ST6GALNAC5: variants seen among roughly 807,000 people sequenced by gnomAD.
The protein encoded by ST6GALNAC5 is alpha-N-acetylgalactosaminide alpha-2,6-sialyltransferase 5.
ST6GALNAC5 carries 27 observed loss-of-function variants against 33.6 expected under a neutral mutation model. The ratio of observed to expected loss-of-function variants is 0.80; its 90% CI spans 0.59 to 1.11. The LOEUF (loss-of-function observed/expected upper bound fraction) is 1.11, where lower values mean the gene tolerates loss of function less well. Ranked by LOEUF, ST6GALNAC5 falls within the 50% of genes least tolerant of loss-of-function variation. The probability of loss-of-function intolerance (pLI) is 0.00; values close to 1 mark genes in which losing one functional copy is unlikely to be tolerated. For missense variants in ST6GALNAC5, 428 were observed against 454.0 expected, an observed-to-expected ratio of 0.94 and a Z score of 0.52; for synonymous variants, 194 against 171.2, an observed-to-expected ratio of 1.13 and a Z score of -1.04.
rs1014886835 is a variant in ST6GALNAC5 at position 76,979,698 on chromosome 1, G to A, written c.262-64506G>A. ...TTCCAGCATTTTGGGAGGCCAAGGC[G>A]GGCAGATCACCTGAGATCAAGAATT... is the stretch of plus-strand genomic sequence containing the variant. On this transcript the variant is annotated intron_variant, in intron 2 of 4. Coordinates refer to ENST00000477717, the MANE Select transcript of ST6GALNAC5 (RefSeq NM_030965.3). 1.1e-4 allele frequency among the ~76,000 whole-genome samples: 17 copies of A among 152,160 alleles called. 1 individual carries two copies. Among genetic ancestry groups the A allele is most frequent in the South Asian group, 4.1e-4 (2 of 4,822 alleles).
intron 2 of ST6GALNAC5, among the ~76,000 whole-genome samples, chr1:76,931,673 T>G (rs2100310685): frequency 6.6e-6 from 1 of 152,260 alleles, no homozygotes; most frequent in African/African-American, 2.4e-5. Flanking sequence ...GTTGATCTGA[T>G]ATAACTATGT....
intron 2 of ST6GALNAC5, among the ~76,000 whole-genome samples, chr1:76,962,185 T>C (rs865878752): frequency 2.2e-4 from 34 of 152,232 alleles, no homozygotes; most frequent in African/African-American, 8.2e-4. Flanking sequence ...ATAACTAAGA[T>C]GAAAGTTGAG....
intron 2 of ST6GALNAC5, among the ~76,000 whole-genome samples, chr1:76,954,243 C>T (rs998809004): frequency 6.6e-6 from 1 of 152,080 alleles, no homozygotes; most frequent in African/African-American, 2.4e-5. Flanking sequence ...ATGGATGGAG[C>T]TGGAAGCCAT....
intron 2 of ST6GALNAC5, among the ~76,000 whole-genome samples, chr1:76,961,900 A>C (rs1439929527): frequency 6.6e-6 from 1 of 152,156 alleles, no homozygotes; most frequent in Non-Finnish European, 1.5e-5. Flanking sequence ...ATGAATGCAG[A>C]AAAAGAGTTT....
chr1:76,958,905 T>C (rs763900446), intron 2 of ST6GALNAC5, among the ~76,000 whole-genome samples: 1 of 152,184 alleles, frequency 6.6e-6, no homozygotes, highest in Non-Finnish European at 1.5e-5. Flanking sequence ...CACCAGGTCA[T>C]TGACCTTTCT....
In ST6GALNAC5 at chr1:76,868,216, C is replaced by T. The variant is rs1304819140; in HGVS notation, c.16-281C>T. On this transcript the variant is annotated intron_variant, in intron 1 of 4. Transcript: ENST00000477717. The surrounding 1 kb of genome is among the most constrained non-coding windows in gnomAD (Gnocchi z 4.3). ...GTGCAAACCCACCCCTGTCCTCGGC[C>T]CCGGCGCGCTCCCTCCCTCAGCCCG... 2.0e-5 allele frequency among the ~76,000 whole-genome samples: 3 copies of T among 152,152 alleles called. No individual in the cohort carries two copies. Among genetic ancestry groups the T allele is most frequent in the Non-Finnish European group, 2.9e-5 (2 of 68,026 alleles).
At chr1:77,033,969 G>T (rs2100451222) in intron 2 of ST6GALNAC5, among the ~76,000 whole-genome samples, 1 of 152,300 alleles carries the variant, frequency 6.6e-6, no homozygotes, top group East Asian at 1.9e-4. Context: ...GGTGAAAGCT[G>T]CAAGACAAAG....
chr1:76,976,364 G>A (rs1232433864), intron 2 of ST6GALNAC5, among the ~76,000 whole-genome samples: 2 of 152,064 alleles, frequency 1.3e-5, no homozygotes, highest in Non-Finnish European at 2.9e-5. Flanking sequence ...CACTATTCAG[G>A]AGTGAAGATG....
Position 76,914,193 on chromosome 1 carries a change from T to C in ST6GALNAC5, c.261+45451T>C, listed in dbSNP as rs1646943984. The stretch of plus-strand genomic sequence containing the variant: ...CACTGCTCAATGAAATCAAAGAGGA[T>C]ACAAACAAATGGAAGAACATTCCAT... On this transcript the variant is annotated intron_variant, in intron 2 of 4. Transcript: ENST00000477717. 3.3e-5 allele frequency among the ~76,000 whole-genome samples: 5 copies of C among 152,110 alleles called. No homozygotes were observed. The South Asian group carries it at 1.0e-3, about 32-fold the overall frequency.
At chr1:77,019,135 G>C (rs910706316) in intron 2 of ST6GALNAC5, among the ~76,000 whole-genome samples, 2 of 152,206 alleles carry the variant, frequency 1.3e-5, no homozygotes, top group Non-Finnish European at 1.5e-5. Context: ...TGCCAGGGCA[G>C]GGGGGAGATA....
chr1:77,036,292 G>A (rs1365725720), intron 2 of ST6GALNAC5, among the ~76,000 whole-genome samples: 1 of 152,204 alleles, frequency 6.6e-6, no homozygotes, highest in Non-Finnish European at 1.5e-5. Flanking sequence ...AAATGGACAT[G>A]AGATTTCTTT....
At chr1:76,965,192 C>T (rs577349775) in intron 2 of ST6GALNAC5, among the ~76,000 whole-genome samples, 10 of 145,682 alleles carry the variant, frequency 6.9e-5, no homozygotes, top group South Asian at 2.2e-4. Context: ...CACTGTCTTC[C>T]GCAATGGTGG....
chr1:76,891,415 G>T (rs1654010143), intron 2 of ST6GALNAC5, among the ~76,000 whole-genome samples: 1 of 152,022 alleles, frequency 6.6e-6, no homozygotes, highest in Admixed American at 6.6e-5. Flanking sequence ...TGTCTATTCA[G>T]ATTCTTGGCC....
At chr1:76,951,467 C>T (rs1647740789) in intron 2 of ST6GALNAC5, among the ~76,000 whole-genome samples, 1 of 151,934 alleles carries the variant, frequency 6.6e-6, no homozygotes, top group Admixed American at 6.6e-5. Flanking sequence ...CACACTGGGG[C>T]CTGTTTTGGA....
At chr1:76,946,424 TG>T (rs940872211) in intron 2 of ST6GALNAC5, among the ~76,000 whole-genome samples, 9 of 152,198 alleles carry the variant, frequency 5.9e-5, no homozygotes, top group African/African-American at 2.2e-4. Context: ...TGGGGAGGTC[TG>T]ATTCCCAATC....
intron 2 of ST6GALNAC5, among the ~76,000 whole-genome samples, chr1:76,879,211 G>T (rs1653721343): frequency 6.6e-6 from 1 of 152,094 alleles, no homozygotes; most frequent in African/African-American, 2.4e-5. Context: ...AAGCCTTTGG[G>T]TCCCTTCCTC....
intron 2 of ST6GALNAC5, among the ~76,000 whole-genome samples, chr1:76,898,267 C>A (rs1313396941): frequency 6.6e-6 from 1 of 152,152 alleles, no homozygotes; most frequent in East Asian, 1.9e-4. Flanking sequence ...TCTGGAGGAA[C>A]CCCTGGCAGC....
At chr1:77,009,746 C>G (rs1373146129) in intron 2 of ST6GALNAC5, among the ~76,000 whole-genome samples, 1 of 152,208 alleles carries the variant, frequency 6.6e-6, no homozygotes, top group African/African-American at 2.4e-5. Context: ...CTGAGGAAAT[C>G]ATAATTCTAT....
intron 2 of ST6GALNAC5, among the ~76,000 whole-genome samples, chr1:76,967,231 C>A (rs917619604): frequency 2.6e-5 from 4 of 152,010 alleles, no homozygotes; most frequent in East Asian, 1.9e-4. Context: ...TGGTCCTGGA[C>A]TTTTTTTGGT....
Sources: gnomAD v4.1 joint callset for allele counts (sites outside exome capture counted in the v4.1 genomes callset) on GRCh38, gnomAD v4.1.1 for gene constraint, Gnocchi (gnomAD v3.1) non-coding constraint, MANE v1.5 for transcripts, NCBI Gene and HGNC (gene_info 2026-07-23, HGNC 2026-07-21) for gene names.